Variants in TBC1D16 observed in about 807,000 individuals in gnomAD.
TBC1D16 encodes TBC1 domain family member 16.
In TBC1D16, 58 loss-of-function variants were observed where a neutral mutation model predicts 74.7. The ratio of observed to expected loss-of-function variants is 0.78; its 90% CI spans 0.63 to 0.97. The LOEUF (loss-of-function observed/expected upper bound fraction) is 0.97. Among genes scored for constraint, TBC1D16 ranks in the 50% least tolerant of loss-of-function variants. The pLI is 0.00. For missense variants in TBC1D16, 1,014 were observed against 1,079.5 expected (o/e 0.94, Z 0.85); for synonymous variants, 493 against 474.7 (o/e 1.04, Z -0.50).
At chr17:79,947,892 C>T (rs12452819) in intron 8 of TBC1D16, 61 bp from the exon 9 acceptor site, 158,032 of 1,422,780 alleles carry the variant, frequency 0.11, 10,589 homozygotes, top group Admixed American at 0.32. Flanking sequence ...CACTGCCCAG[C>T]CTGCAGAACC....
intron 3 of TBC1D16, among the ~76,000 whole-genome samples, chr17:80,002,394 A>G (rs2035524671): frequency 6.6e-6 from 1 of 152,180 alleles, no homozygotes. Context: ...ACTGCCTCGC[A>G]CGCCCTGCGG....
At chr17:80,021,641 A>G (rs1164035576) in intron 1 of TBC1D16, among the ~76,000 whole-genome samples, 1 of 149,108 alleles carries the variant, frequency 6.7e-6, no homozygotes, top group Non-Finnish European at 1.5e-5. Flanking sequence ...CACACCATAG[A>G]TACATACATC....
At chr17:79,965,217 T>C (rs2033788898) in intron 3 of TBC1D16, among the ~76,000 whole-genome samples, 2 of 152,018 alleles carry the variant, frequency 1.3e-5, no homozygotes, top group Non-Finnish European at 2.9e-5. Context: ...GTAGCTGGGA[T>C]TACAGACATG....
chr17:79,950,980 G>A lies in TBC1D16; in HGVS notation c.1090-402C>T. 2.5e-6 allele frequency: 2 copies of A among 797,950 alleles called. No individual in the cohort carries two copies. The highest frequency in any genetic ancestry group is 2.8e-5 in the East Asian group (1 of 35,218). The allele number at this position is 797,950 out of a possible 1,614,324, so 49.4% of individuals were successfully genotyped here. ...CCAGCCTGTCAGATTGCCTCCGCGA[G>A]CAGTCACGAATCCAGGGCAAAACTG... On this transcript the variant is annotated intron_variant, in intron 5 of 11. Coordinates refer to ENST00000310924, the MANE Select transcript of TBC1D16 (RefSeq NM_019020.4). This position sits in a 1 kb window ranked among gnomAD's most constrained non-coding sequence, Gnocchi z 4.6.
Position 79,937,877 on chromosome 17 carries a change from C to T in TBC1D16, c.*2982G>A, listed in dbSNP as rs1568559095. ...CCCAGAGGCCCTGAGCAACATCGGG[C>T]GACGCTGTCAGCAGACATTAGCAGC... On this transcript the variant is annotated 3_prime_UTR_variant, in exon 12 of 12. Coordinates refer to ENST00000310924, the MANE Select transcript of TBC1D16 (RefSeq NM_019020.4). 1.3e-5 allele frequency: 2 copies of T among 149,922 alleles called. No homozygotes were observed. The highest frequency in any genetic ancestry group is 6.6e-5 in the Admixed American group (1 of 15,128). The allele number at this position is 149,922 out of a possible 1,614,324, so 9.3% of individuals were successfully genotyped here. A position where few individuals can be genotyped will look rare whatever the true frequency, so the allele number is the denominator to read the frequency against.
At position 79,949,652 on chromosome 17, in the gene TBC1D16, G is replaced by T. The variant is rs534223719; in HGVS notation, c.1406+65C>A. The stretch of plus-strand genomic sequence containing the variant: ...TCAATGCTGAATTGCACCTCAAATT[G>T]CCTTTTCAAATGACATTTTCCTCCG... On this transcript the variant is annotated intron_variant, in intron 7 of 11. Coordinates refer to ENST00000310924, the MANE Select transcript of TBC1D16 (RefSeq NM_019020.4). 5.8e-6 allele frequency: 9 copies of T among 1,557,162 alleles called. No individual in the cohort carries two copies. In the South Asian group the frequency reaches 9.2e-5, roughly 16 times the overall value.
chr17:79,946,991 G>A (rs2032596945), intron 9 of TBC1D16, among the ~76,000 whole-genome samples: 1 of 152,226 alleles, frequency 6.6e-6, no homozygotes, highest in African/African-American at 2.4e-5. Context: ...CATGGGTGAT[G>A]TGTGCTGAGA....
chr17:79,940,664 C>G lies in TBC1D16; in HGVS notation c.*195G>C, dbSNP rs1405112516. ...CAGGAGCTGACTTTCCTCTGGGTGG[C>G]TGTAGATCTGACTTCTGTCACTTCC... On this transcript the variant is annotated 3_prime_UTR_variant, in exon 12 of 12. Transcript: ENST00000310924. This position sits in a 1 kb window ranked among gnomAD's most constrained non-coding sequence, Gnocchi z 5.4. 3.3e-6 allele frequency: 2 copies of G among 613,830 alleles called. No individual in the cohort carries two copies. The highest frequency in any genetic ancestry group is 4.9e-6 in the Non-Finnish European group (2 of 405,074). The allele number at this position is 613,830 out of a possible 1,614,324, so 38.0% of individuals were successfully genotyped here.
At chr17:80,028,109 C>T (rs1490878640) in intron 1 of TBC1D16, among the ~76,000 whole-genome samples, 1 of 151,830 alleles carries the variant, frequency 6.6e-6, no homozygotes, top group Non-Finnish European at 1.5e-5. Flanking sequence ...GTTAAGGTTC[C>T]AAATGCCTTG....
rs561287857 is a variant in TBC1D16, at chr17:80,000,367, G to T, written c.779+9793C>A. On this transcript the variant is annotated intron_variant, in intron 3 of 11. Coordinates refer to ENST00000310924, the MANE Select transcript of TBC1D16 (RefSeq NM_019020.4). This position sits in a 1 kb window ranked among gnomAD's most constrained non-coding sequence, Gnocchi z 4.1. Reference sequence around the variant, plus strand: ...GGCATCCGTATGAGAAGAAGAGAGGGCACACAAAGGGACACACCCTGTCCA... The same window carrying T: ...GGCATCCGTATGAGAAGAAGAGAGGTCACACAAAGGGACACACCCTGTCCA... 6.6e-6 allele frequency among the ~76,000 whole-genome samples: 1 copy of T among 152,256 alleles called. No individual in the cohort carries two copies. The highest frequency in any genetic ancestry group is 2.4e-5 in the African/African-American group (1 of 41,540).
intron 3 of TBC1D16, among the ~76,000 whole-genome samples, chr17:80,005,823 A>T (rs1190293126): frequency 6.6e-6 from 1 of 151,962 alleles, no homozygotes; most frequent in East Asian, 1.9e-4. Flanking sequence ...AGCCCGGGGG[A>T]TACTGCCATT....
Position 79,988,253 on chromosome 17 carries a change from C to T in TBC1D16, c.779+21907G>A, listed in dbSNP as rs766116647. 1.5e-4 allele frequency among the ~76,000 whole-genome samples: 23 copies of T among 152,180 alleles called. No individual in the cohort carries two copies. The highest frequency in any genetic ancestry group is 2.1e-4 in the South Asian group (1 of 4,826). ...CGTGGCTCCTCGGCAAGTGGGCGTC[C>T]GCCGAGCCTTTGATGCACTCTCCAA... is the stretch of plus-strand genomic sequence containing the variant. On this transcript the variant is annotated intron_variant, in intron 3 of 11. Coordinates refer to ENST00000310924, the MANE Select transcript of TBC1D16 (RefSeq NM_019020.4). The surrounding 1 kb of genome is among the most constrained non-coding windows in gnomAD (Gnocchi z 5.7).
rs1185209946 is a variant in TBC1D16 at position 79,971,955 on chromosome 17, G to A, written c.780-19137C>T. 6.6e-6 allele frequency among the ~76,000 whole-genome samples: 1 copy of A among 152,140 alleles called. No homozygotes were observed. The highest frequency in any genetic ancestry group is 1.5e-5 in the Non-Finnish European group (1 of 68,034). ...GAAGGTCTGCGGAGGACAGGTCGGA[G>A]TGCTCTGAAAACGGCCCTGGCATTG... is the stretch of plus-strand genomic sequence containing the variant. On this transcript the variant is annotated intron_variant, in intron 3 of 11. Transcript: ENST00000310924. This position sits in a 1 kb window ranked among gnomAD's most constrained non-coding sequence, Gnocchi z 4.6.
At position 79,941,811 on chromosome 17, in the gene TBC1D16, G is replaced by C. The variant is rs1304510761; in HGVS notation, c.2055+249C>G. ...TCCTCAGCCAGCGAGGGAGGCTCCTGTGTCAGGGCTGGCACCCCAGGAAAG... is the reference window on the plus strand; with the variant it reads ...TCCTCAGCCAGCGAGGGAGGCTCCTCTGTCAGGGCTGGCACCCCAGGAAAG... On this transcript the variant is annotated intron_variant, in intron 11 of 11. Coordinates refer to ENST00000310924, the MANE Select transcript of TBC1D16 (RefSeq NM_019020.4). This position sits in a 1 kb window ranked among gnomAD's most constrained non-coding sequence, Gnocchi z 4.3. Among the ~76,000 whole-genome samples the C allele has an allele frequency of 3.3e-5, 5 of 152,034 alleles. No individual in the cohort carries two copies. The highest frequency in any genetic ancestry group is 9.7e-5 in the African/African-American group (4 of 41,306).
In TBC1D16 at chr17:79,950,273, A is replaced by G. The variant is rs1338894734; in HGVS notation, c.1257+138T>C. On this transcript the variant is annotated intron_variant, in intron 6 of 11. Transcript: ENST00000310924. This position sits in a 1 kb window ranked among gnomAD's most constrained non-coding sequence, Gnocchi z 4.6. The stretch of plus-strand genomic sequence containing the variant: ...TCGGTGTGTTCACAGAGAGCCTCAC[A>G]CAAGAAAACGGGGCCCTCACGAGGA... 1 of 948,122 alleles carries G rather than the reference A, an allele frequency of 1.1e-6. No homozygotes were observed. The highest frequency in any genetic ancestry group is 2.7e-5 in the East Asian group (1 of 36,990). The allele number at this position is 948,122 out of a possible 1,614,324, so 58.7% of individuals were successfully genotyped here. A position where few individuals can be genotyped will look rare whatever the true frequency, so the allele number is the denominator to read the frequency against.
At chr17:79,976,956 G>A (rs1397950900) in intron 3 of TBC1D16, among the ~76,000 whole-genome samples, 1 of 152,194 alleles carries the variant, frequency 6.6e-6, no homozygotes, top group African/African-American at 2.4e-5. Flanking sequence ...CAGGGAACAC[G>A]GGATGGGGCA....
chr17:79,960,695 C>T (rs2033554059), intron 3 of TBC1D16, among the ~76,000 whole-genome samples: 1 of 143,126 alleles, frequency 7.0e-6, no homozygotes, highest in Middle Eastern at 3.6e-3. Context: ...GGCGAGGTTG[C>T]AGTGAGCCAA....
chr17:79,942,329 C>A lies in TBC1D16; in HGVS notation c.1909-123G>T, dbSNP rs576591657. 2.3e-4 allele frequency: 254 copies of A among 1,118,338 alleles called. 5 individuals carry two copies. In the East Asian group the frequency reaches 6.6e-3, roughly 29 times the overall value. 69.3% of individuals were successfully genotyped at this position (1,118,338 alleles called of 1,614,324 possible). A position where few individuals can be genotyped will look rare whatever the true frequency, so the allele number is the denominator to read the frequency against. ...GGGCGAGGGGTCTGGGCTCACAGCC[C>A]AGCTCGGGGGCCGTGTGGCCCTGGG... On this transcript the variant is annotated intron_variant, in intron 10 of 11. Coordinates refer to ENST00000310924, the MANE Select transcript of TBC1D16 (RefSeq NM_019020.4).
In TBC1D16 at chr17:79,939,974, T is replaced by TGTGCATGCATGCATGCACGC. The variant is rs2031848306; in HGVS notation, c.*865_*884dup. On this transcript the variant is annotated 3_prime_UTR_variant, in exon 12 of 12. Coordinates refer to ENST00000310924, the MANE Select transcript of TBC1D16 (RefSeq NM_019020.4). ...TTGCAAACACAAACACGCACGCACG[T>TGTGCATGCATGCATGCACGC]GTGCATGCATGCATGCACGCAGGGA... 1 of 152,194 alleles carries TGTGCATGCATGCATGCACGC rather than the reference T, an allele frequency of 6.6e-6. No individual in the cohort carries two copies. Among genetic ancestry groups the TGTGCATGCATGCATGCACGC allele is most frequent in the Non-Finnish European group, 1.5e-5 (1 of 68,022 alleles). 9.4% of individuals were successfully genotyped at this position (152,194 alleles called of 1,614,324 possible).
Sources: allele counts gnomAD v4.1 joint callset (sites outside exome capture counted in the v4.1 genomes callset), GRCh38; gene constraint gnomAD v4.1.1; non-coding constraint Gnocchi (gnomAD v3.1); transcripts MANE v1.5; gene names NCBI Gene and HGNC (gene_info 2026-07-23, HGNC 2026-07-21).